Variants in TMEM237 observed in about 807,000 individuals in gnomAD.
The protein encoded by TMEM237 is transmembrane protein 237, also known as amyotrophic lateral sclerosis 2 (juvenile) chromosome region, candidate 4.
Under a neutral mutation model 59.1 loss-of-function variants are expected in TMEM237, and 51 were observed. That is an observed-to-expected ratio of 0.86 (90% CI 0.69 to 1.09). The LOEUF (loss-of-function observed/expected upper bound fraction) is 1.09. Ranked by LOEUF, TMEM237 falls within the 50% of genes least tolerant of loss-of-function variation. The pLI is 0.00. For synonymous variants in TMEM237, 140 were observed against 166.1 expected (o/e 0.84, Z 1.21); for missense variants, 475 against 478.3 (o/e 0.99, Z 0.06).
Position 201,635,394 on chromosome 2 carries a change from G to C in TMEM237, c.274+1354C>G, listed in dbSNP as rs1407161725. Among the ~76,000 whole-genome samples the C allele has an allele frequency of 2.6e-5, 4 of 152,212 alleles. No homozygotes were observed. Among genetic ancestry groups the C allele is most frequent in the African/African-American group, 9.6e-5 (4 of 41,456 alleles). On this transcript the variant is annotated intron_variant, in intron 5 of 12. Transcript: ENST00000409883. The surrounding 1 kb of genome is among the most constrained non-coding windows in gnomAD (Gnocchi z 4.5). Reference sequence around the variant, plus strand: ...GACACAGACACACAAGGAAAAATGTGAAGATGGAAGCAGAGATTGGCATTA... The same window carrying C: ...GACACAGACACACAAGGAAAAATGTCAAGATGGAAGCAGAGATTGGCATTA...
At chr2:201,637,636 C>T (rs1687323745) in intron 4 of TMEM237, among the ~76,000 whole-genome samples, 1 of 150,338 alleles carries the variant, frequency 6.7e-6, no homozygotes, top group African/African-American at 2.4e-5. Flanking sequence ...CCCAGCTACT[C>T]AAGGAGGCCG....
chr2:201,641,022 T>G (rs1301660532), intron 1 of TMEM237, 98 bp from the exon 2 acceptor site: 3 of 1,071,298 alleles, frequency 2.8e-6, no homozygotes, highest in Admixed American at 2.2e-5. Flanking sequence ...GATGGTGTAT[T>G]GCTGTGTGGC....
At chr2:201,634,869 C>T in intron 5 of TMEM237, 3 of 450,242 alleles carry the variant, frequency 6.7e-6, no homozygotes, top group Non-Finnish European at 1.4e-5. Flanking sequence ...TATAATTCTT[C>T]CATCCAATCA....
intron 6 of TMEM237, among the ~76,000 whole-genome samples, chr2:201,632,886 G>C (rs766921335): frequency 1.3e-5 from 2 of 152,020 alleles, no homozygotes; most frequent in Non-Finnish European, 2.9e-5. Flanking sequence ...TTTCTTTAAA[G>C]TACACTACTC....
In TMEM237 at chr2:201,627,427, C is replaced by T; in HGVS notation, c.944-13G>A. 6.6e-7 allele frequency: 1 copy of T among 1,514,916 alleles called. No individual in the cohort carries two copies. Among genetic ancestry groups the T allele is most frequent in the East Asian group, 2.3e-5 (1 of 42,860 alleles). The allele number at this position is 1,514,916 out of a possible 1,614,324, so 93.8% of individuals were successfully genotyped here. On this transcript the variant is annotated splice_polypyrimidine_tract_variant and intron_variant, in intron 10 of 12. Coordinates refer to ENST00000409883, the MANE Select transcript of TMEM237 (RefSeq NM_001044385.3). ...GCAGTAAAGTACACTGAGAAAAAGACAAATGAAATTACTAATAATTTTTAA... is the reference window on the plus strand; with the variant it reads ...GCAGTAAAGTACACTGAGAAAAAGATAAATGAAATTACTAATAATTTTTAA...
At chr2:201,630,371 G>A (rs1213889074) in intron 7 of TMEM237, among the ~76,000 whole-genome samples, 1 of 152,182 alleles carries the variant, frequency 6.6e-6, no homozygotes, top group African/African-American at 2.4e-5. Context: ...GAACATTCCT[G>A]TGAAGAACAT....
In TMEM237 at chr2:201,641,795, T is replaced by C. The variant is rs1687427107; in HGVS notation, c.43-871A>G. 1.3e-5 allele frequency among the ~76,000 whole-genome samples: 2 copies of C among 152,026 alleles called. 1 individual carries two copies. The highest frequency in any genetic ancestry group is 4.2e-4 in the South Asian group (2 of 4,816). ...CTACTTTTGTTAGGGAAAGTTTCTC[T>C]GAGTTTGAGCTGAGACCTGAATGAG... is the stretch of plus-strand genomic sequence containing the variant. On this transcript the variant is annotated intron_variant, in intron 1 of 12. Transcript: ENST00000409883.
At chr2:201,631,983 A>G in intron 7 of TMEM237, 68 bp downstream of exon 7, 3 of 1,516,180 alleles carry the variant, frequency 2.0e-6, no homozygotes, top group Non-Finnish European at 2.7e-6. Context: ...TCAGATTTCC[A>G]GAAGTATAAA....
rs916856430 is a variant in TMEM237 at position 201,642,796 on chromosome 2, T to C, written c.42+563A>G. On this transcript the variant is annotated intron_variant, in intron 1 of 12. Transcript: ENST00000409883. ...TTGCGGTGAGAGGCGTGCAGGGACC[T>C]GGATTGGCCAGTCCAGACTAGCCCT... The C allele has an allele frequency of 9.9e-6, 14 of 1,410,914 alleles. 1 individual carries two copies. In the African/African-American group the frequency reaches 1.4e-4, roughly 14 times the overall value. The allele number at this position is 1,410,914 out of a possible 1,614,324, so 87.4% of individuals were successfully genotyped here. A position where few individuals can be genotyped will look rare whatever the true frequency, so the allele number is the denominator to read the frequency against.
In TMEM237 at chr2:201,633,443, ATAAAT is replaced by A. The variant is rs1308638980; in HGVS notation, c.275-17_275-13del. On this transcript the variant is annotated splice_polypyrimidine_tract_variant and intron_variant, in intron 5 of 12. Coordinates refer to ENST00000409883, the MANE Select transcript of TMEM237 (RefSeq NM_001044385.3). Reference sequence around the variant, plus strand: ...GGAAGTCTCCAATTCTGAAAACAAAATAAATTTAACTTTTCAAATAACTAAAACAT... The same window carrying A: ...GGAAGTCTCCAATTCTGAAAACAAAATTAACTTTTCAAATAACTAAAACAT... 1 of 1,512,066 alleles carries A rather than the reference ATAAAT, an allele frequency of 6.6e-7. No individual in the cohort carries two copies. Among genetic ancestry groups the A allele is most frequent in the Non-Finnish European group, 8.8e-7 (1 of 1,132,224 alleles). The allele number at this position is 1,512,066 out of a possible 1,614,324, so 93.7% of individuals were successfully genotyped here.
At position 201,636,849 on chromosome 2, in the gene TMEM237, C is replaced by G; in HGVS notation, c.173G>C (p.Gly58Ala). The G allele has an allele frequency of 6.2e-7, 1 of 1,607,766 alleles. No homozygotes were observed. Residue 58 changes from glycine (G) to alanine (A), a missense_variant, in exon 5 of 13, where the codon GGT becomes GCT. Physicochemically the swap from Gly to Ala is moderately conservative, Grantham distance 60 (BLOSUM62 0). Coordinates refer to ENST00000409883, the MANE Select transcript of TMEM237 (RefSeq NM_001044385.3). ...ASLEGLAQTA[G>A]RRPSEGNEPS... ...CTCATTGCCCTCAGAGGGCCTTCGA[C>G]CAGCAGTCTGAGCAAGGCCTTCCAA...
At position 201,635,618 on chromosome 2, in the gene TMEM237, C is replaced by T. The variant is rs536373254; in HGVS notation, c.274+1130G>A. 6.6e-5 allele frequency among the ~76,000 whole-genome samples: 10 copies of T among 152,228 alleles called. No individual in the cohort carries two copies. The highest frequency in any genetic ancestry group is 2.1e-4 in the South Asian group (1 of 4,810). The stretch of plus-strand genomic sequence containing the variant: ...CTCTACTAAAAAATACAAAATTAGC[C>T]GAGCATCATGGCAAATGCCTGTAAT... On this transcript the variant is annotated intron_variant, in intron 5 of 12. Transcript: ENST00000409883. This position sits in a 1 kb window ranked among gnomAD's most constrained non-coding sequence, Gnocchi z 4.5.
Position 201,632,221 on chromosome 2 carries a change from C to T in TMEM237, c.396-13G>A, listed in dbSNP as rs570600190. 326 of 1,611,942 alleles carry T rather than the reference C, an allele frequency of 2.0e-4. 4 individuals carry two copies. The South Asian group carries it at 3.1e-3, about 15-fold the overall frequency. On this transcript the variant is annotated splice_polypyrimidine_tract_variant and intron_variant, in intron 6 of 12. Transcript: ENST00000409883. ...TGGCTGGGTTTTCCTGTAATAAGGA[C>T]GTATGTATGAAAAATAGATGATTAT...
intron 4 of TMEM237, chr2:201,638,782 T>C (rs1338538743): frequency 3.5e-6 from 2 of 575,598 alleles, no homozygotes; most frequent in African/African-American, 1.9e-5. Flanking sequence ...ATTCCATGAA[T>C]GCGTCCAGAT....
chr2:201,633,390 A>G lies in TMEM237; in HGVS notation c.316T>C (p.Ser106Pro). The change falls in exon 6 of 13, where the codon TCT (serine) becomes CCT (proline). Residue 106 changes from serine to proline, a missense_variant. Coordinates refer to ENST00000409883, the MANE Select transcript of TMEM237 (RefSeq NM_001044385.3). ...ATACCATTTTCATTTCGTAATAAAG[A>G]TGAACTAGATGACTTCTTTTGGGTG... is the stretch of plus-strand genomic sequence containing the variant. ...SSTQKKSSSS[S>P]LLRNENGIDA... The G allele has an allele frequency of 6.3e-7, 1 of 1,578,366 alleles. No homozygotes were observed.
chr2:201,640,404 A>G (rs1361067945), intron 2 of TMEM237, 139 bp from the exon 3 acceptor site: 1 of 821,110 alleles, frequency 1.2e-6, no homozygotes, highest in Non-Finnish European at 1.8e-6. Context: ...TAGCTTTCAC[A>G]TAATAGCTAG....
intron 3 of TMEM237, among the ~76,000 whole-genome samples, chr2:201,639,732 A>T (rs555940787): frequency 4.7e-4 from 71 of 151,962 alleles, no homozygotes; most frequent in Non-Finnish European, 4.9e-4. Flanking sequence ...GGAGGCAGAG[A>T]TTGCAGTGAG....
At chr2:201,634,853 T>C (rs1388155001) in intron 5 of TMEM237, 1 of 441,956 alleles carries the variant, frequency 2.3e-6, no homozygotes, top group Non-Finnish European at 4.7e-6. Flanking sequence ...CCTGCCCTTC[T>C]ACTCCTATAA....
intron 12 of TMEM237, among the ~76,000 whole-genome samples, chr2:201,625,638 T>C (rs758198377): frequency 1.3e-5 from 2 of 152,188 alleles, no homozygotes; most frequent in Non-Finnish European, 2.9e-5. Flanking sequence ...GGAAGAATAA[T>C]TGACTTGAGT....
Sources: allele counts gnomAD v4.1 joint callset (sites outside exome capture counted in the v4.1 genomes callset), GRCh38; gene constraint gnomAD v4.1.1; non-coding constraint Gnocchi (gnomAD v3.1); transcripts MANE v1.5; gene names NCBI Gene and HGNC (gene_info 2026-07-23, HGNC 2026-07-21).